PRSS27: variants seen among roughly 807,000 people sequenced by gnomAD.
The protein encoded by PRSS27 is serine protease 27.
Under a neutral mutation model 32.0 loss-of-function variants are expected in PRSS27, and 25 were observed. The observed-to-expected ratio is 0.78, with a 90% CI of 0.57 to 1.09. The LOEUF is 1.09. PRSS27 is among the 50% of genes least tolerant of loss of function. The pLI, the probability that PRSS27 is intolerant of heterozygous loss-of-function variation, is 0.00. For synonymous variants in PRSS27, 178 were observed against 172.2 expected (o/e 1.03, Z -0.26); for missense variants, 401 against 394.9 (o/e 1.02, Z -0.13).
Position 2,714,433 on chromosome 16 carries a change from A to G in PRSS27, c.237-97T>C. On this transcript the variant is annotated intron_variant, in intron 3 of 5. Transcript: ENST00000302641. The surrounding 1 kb of genome is among the most constrained non-coding windows in gnomAD (Gnocchi z 4.7). ...TCCTCTGGCCACCACCGTGCCCCAC[A>G]CCTCTCTCTGCACAATGTCTTCGAG... 1 of 1,338,482 alleles carries G rather than the reference A, an allele frequency of 7.5e-7. No individual in the cohort carries two copies. The highest frequency in any genetic ancestry group is 1.0e-6 in the Non-Finnish European group (1 of 962,808). 82.9% of individuals were successfully genotyped at this position (1,338,482 alleles called of 1,614,324 possible). A position where few individuals can be genotyped will look rare whatever the true frequency, so the allele number is the denominator to read the frequency against.
chr16:2,712,954 G>A lies in PRSS27; in HGVS notation c.679-140C>T, dbSNP rs140728665. Reference sequence around the variant, plus strand: ...CTCTCTGCCCGGCTCCCCATCCCCTGCCAGTCCGATTGTCTAAAGTGCCTA... The same window carrying A: ...CTCTCTGCCCGGCTCCCCATCCCCTACCAGTCCGATTGTCTAAAGTGCCTA... On this transcript the variant is annotated intron_variant, in intron 5 of 5. Coordinates refer to ENST00000302641, the MANE Select transcript of PRSS27 (RefSeq NM_031948.5). The surrounding 1 kb of genome is among the most constrained non-coding windows in gnomAD (Gnocchi z 4.6). 10,909 of 660,982 alleles carry A rather than the reference G, an allele frequency of 0.017. 139 individuals carry two copies. The highest frequency in any genetic ancestry group is 0.022 in the Non-Finnish European group (8,712 of 399,066). The allele number at this position is 660,982 out of a possible 1,614,324, so 40.9% of individuals were successfully genotyped here. A position where few individuals can be genotyped will look rare whatever the true frequency, so the allele number is the denominator to read the frequency against.
Position 2,715,732 on chromosome 16 carries a change from C to T in PRSS27, c.222G>A (p.Ala74=), listed in dbSNP as rs1251026405. The change falls in exon 3 of 6, where the codon GCG becomes GCA. Residue 74 remains alanine, a synonymous_variant. Transcript: ENST00000302641. Reference sequence around the variant, plus strand: ...GGCGGACTCACTTGCGGAAGCAGTGCGCAGCCGTCAGGACCCACTGCTCCG... The same window carrying T: ...GGCGGACTCACTTGCGGAAGCAGTGTGCAGCCGTCAGGACCCACTGCTCCG... ...LIAEQWVLTA[A]HCFRNTSETS... is the part of the protein sequence containing the mutation. 2 of 1,551,894 alleles carry T rather than the reference C, an allele frequency of 1.3e-6. No individual in the cohort carries two copies. The highest frequency in any genetic ancestry group is 1.3e-5 in the African/African-American group (1 of 74,112).
chr16:2,713,621 T>G lies in PRSS27; in HGVS notation c.586A>C (p.Ser196Arg). The change falls in exon 5 of 6, where the codon AGC becomes CGC. Residue 196 changes from serine to arginine, a missense_variant. Ser to Arg is a moderately radical substitution (Grantham distance 110). Coordinates refer to ENST00000302641, the MANE Select transcript of PRSS27 (RefSeq NM_031948.5). ...TGGTAGCCAAACTCGGTGTCTTTGC[T>G]GTAGAGCAGGTTGCACTTGGGTGTG... is the stretch of plus-strand genomic sequence containing the variant. ...IDTPKCNLLYSKDTEFGYQPK... is the reference protein window; with the variant it reads ...IDTPKCNLLYRKDTEFGYQPK... 6.2e-7 allele frequency: 1 copy of G among 1,614,202 alleles called. No individual in the cohort carries two copies.
rs543149634 is a variant in PRSS27, at chr16:2,714,342, G to A, written c.237-6C>T. The A allele has an allele frequency of 3.8e-5, 62 of 1,611,638 alleles. No individual in the cohort carries two copies. The East Asian group carries it at 7.1e-4, about 19-fold the overall frequency. ...ACAGGGACGTCTCAGAGGTGCTGGC[G>A]GGAGAAACAGAGAGGCGGCGTGAGG... is the stretch of plus-strand genomic sequence containing the variant. On this transcript the variant is annotated splice_region_variant and splice_polypyrimidine_tract_variant and intron_variant, in intron 3 of 5. Transcript: ENST00000302641. The surrounding 1 kb of genome is among the most constrained non-coding windows in gnomAD (Gnocchi z 4.7).
Position 2,714,525 on chromosome 16 carries a change from CAG to C in PRSS27, c.237-191_237-190del, listed in dbSNP as rs990224246. The C allele has an allele frequency of 1.5e-6, 1 of 650,212 alleles. No individual in the cohort carries two copies. The highest frequency in any genetic ancestry group is 1.8e-5 in the African/African-American group (1 of 55,078). The allele number at this position is 650,212 out of a possible 1,614,324, so 40.3% of individuals were successfully genotyped here. A position where few individuals can be genotyped will look rare whatever the true frequency, so the allele number is the denominator to read the frequency against. ...GACATTGAAGCCAGACCGCCCGACT[CAG>C]ATTTCCACCTCCACCCCTGGCCGCT... is the stretch of plus-strand genomic sequence containing the variant. On this transcript the variant is annotated intron_variant, in intron 3 of 5. Coordinates refer to ENST00000302641, the MANE Select transcript of PRSS27 (RefSeq NM_031948.5). The surrounding 1 kb of genome is among the most constrained non-coding windows in gnomAD (Gnocchi z 4.7).
Position 2,713,631 on chromosome 16 carries a change from G to T in PRSS27, c.576C>A (p.Asn192Lys). The T allele has an allele frequency of 1.2e-6, 2 of 1,614,216 alleles. No homozygotes were observed. The highest frequency in any genetic ancestry group is 1.7e-6 in the Non-Finnish European group (2 of 1,180,030). The change falls in exon 5 of 6, where the codon AAC becomes AAA. Residue 192 changes from asparagine to lysine, a missense_variant. Physicochemically the swap from Asn to Lys is moderately conservative, Grantham distance 94. Transcript: ENST00000302641. ...AVPIIDTPKC[N>K]LLYSKDTEFG... ...ACTCGGTGTCTTTGCTGTAGAGCAG[G>T]TTGCACTTGGGTGTGTCGATGATGG...
At chr16:2,716,292 G>A (rs971973638) in intron 2 of PRSS27, 11 of 611,910 alleles carry the variant, frequency 1.8e-5, no homozygotes, top group Admixed American at 5.6e-5. Context: ...CCTGCACCGC[G>A]CCTCAAGGCT....
At position 2,720,150 on chromosome 16, in the gene PRSS27, G is replaced by A. The variant is rs774452677; in HGVS notation, c.11C>T (p.Pro4Leu). Reference sequence around the variant, plus strand: ...CAGCAGCAGGAGCGGCACCGCCGCCGGCCGCCTCATGTCCTCAGGCCTGGC... The same window carrying A: ...CAGCAGCAGGAGCGGCACCGCCGCCAGCCGCCTCATGTCCTCAGGCCTGGC... MRR[P>L]AAVPLLLLLC... Residue 4 changes from proline to leucine, a missense_variant, in exon 1 of 6, where the codon CCG (proline) becomes CTG (leucine). Physicochemically the swap from Pro to Leu is moderately conservative, Grantham distance 98. Coordinates refer to ENST00000302641, the MANE Select transcript of PRSS27 (RefSeq NM_031948.5). The A allele has an allele frequency of 9.4e-6, 15 of 1,600,646 alleles. No homozygotes were observed. In the South Asian group the frequency reaches 1.5e-4, roughly 16 times the overall value.
Position 2,712,961 on chromosome 16 carries a change from C to A in PRSS27, c.679-147G>T. ...CCCGGCTCCCCATCCCCTGCCAGTC[C>A]GATTGTCTAAAGTGCCTATTCTTTA... On this transcript the variant is annotated intron_variant, in intron 5 of 5. Coordinates refer to ENST00000302641, the MANE Select transcript of PRSS27 (RefSeq NM_031948.5). This position sits in a 1 kb window ranked among gnomAD's most constrained non-coding sequence, Gnocchi z 4.6. 1 of 637,236 alleles carries A rather than the reference C, an allele frequency of 1.6e-6. No homozygotes were observed. 39.5% of individuals were successfully genotyped at this position (637,236 alleles called of 1,614,324 possible).
chr16:2,713,805 C>A, intron 4 of PRSS27, 107 bp from the exon 5 acceptor site: 2 of 1,314,200 alleles, frequency 1.5e-6, no homozygotes, highest in South Asian at 1.3e-5. Flanking sequence ...ATGTTTAGAC[C>A]ATCTCTGGCT....
intron 1 of PRSS27, 180 bp from the exon 2 acceptor site, chr16:2,716,706 C>T (rs1490083342): frequency 1.1e-5 from 7 of 639,842 alleles, no homozygotes; most frequent in East Asian, 2.7e-5. Flanking sequence ...CTGGCTCTGC[C>T]GTATGCTCAG....
rs2067679484 is a variant in PRSS27, at chr16:2,713,568, C to T, written c.639G>A (p.Leu213=). The part of the protein sequence containing the change: ...YQPKTIKNDM[L]CAGFEEGKKD... ...TCTTGCCCTCCTCGAAGCCGGCGCA[C>T]AGCATGTCATTCTTGATGGTTTTGG... Residue 213 remains leucine, a synonymous_variant, in exon 5 of 6, where the codon CTG becomes CTA. Transcript: ENST00000302641. 6.2e-7 allele frequency: 1 copy of T among 1,614,246 alleles called. No individual in the cohort carries two copies. The highest frequency in any genetic ancestry group is 8.5e-7 in the Non-Finnish European group (1 of 1,180,042).
In PRSS27 at chr16:2,714,737, C is replaced by T. The variant is rs974816611; in HGVS notation, c.237-401G>A. ...CCTGCCCTCTCTCAGCCCGAGTTTC[C>T]GATTTTTTTTTTCCCCTAGAGACAG... On this transcript the variant is annotated intron_variant, in intron 3 of 5. Coordinates refer to ENST00000302641, the MANE Select transcript of PRSS27 (RefSeq NM_031948.5). The surrounding 1 kb of genome is among the most constrained non-coding windows in gnomAD (Gnocchi z 4.7). 5 of 244,888 alleles carry T rather than the reference C, an allele frequency of 2.0e-5. No homozygotes were observed. The highest frequency in any genetic ancestry group is 1.1e-4 in the Admixed American group (2 of 18,844). 15.2% of individuals were successfully genotyped at this position (244,888 alleles called of 1,614,324 possible).
Position 2,713,638 on chromosome 16 carries a change from T to C in PRSS27, c.569A>G (p.Lys190Arg). The change falls in exon 5 of 6, where the codon AAG (lysine) becomes AGG (arginine). Residue 190 changes from lysine to arginine, a missense_variant. Lys to Arg is a conservative substitution (Grantham distance 26, BLOSUM62 2). Coordinates refer to ENST00000302641, the MANE Select transcript of PRSS27 (RefSeq NM_031948.5). ...KLAVPIIDTP[K>R]CNLLYSKDTE... ...GTCTTTGCTGTAGAGCAGGTTGCAC[T>C]TGGGTGTGTCGATGATGGGCACAGC... is the stretch of plus-strand genomic sequence containing the variant. 6.2e-7 allele frequency: 1 copy of C among 1,614,244 alleles called. No homozygotes were observed. The highest frequency in any genetic ancestry group is 8.5e-7 in the Non-Finnish European group (1 of 1,180,040).
rs913856343 is a variant in PRSS27 at position 2,712,497 on chromosome 16, A to G, written c.*123T>C. ...ATTTGAGAGGGGAGGAAGGAGCGCT[A>G]TTTACAAATGAGTCTGGTGGGGCTC... is the stretch of plus-strand genomic sequence containing the variant. On this transcript the variant is annotated 3_prime_UTR_variant, in exon 6 of 6. Coordinates refer to ENST00000302641, the MANE Select transcript of PRSS27 (RefSeq NM_031948.5). The surrounding 1 kb of genome is among the most constrained non-coding windows in gnomAD (Gnocchi z 4.6). The G allele has an allele frequency of 5.3e-6, 4 of 761,394 alleles. No homozygotes were observed. In the African/African-American group the frequency reaches 5.4e-5, roughly 10 times the overall value. The allele number at this position is 761,394 out of a possible 1,614,324, so 47.2% of individuals were successfully genotyped here.
chr16:2,714,422 C>T lies in PRSS27; in HGVS notation c.237-86G>A, dbSNP rs886735836. 1 of 1,433,952 alleles carries T rather than the reference C, an allele frequency of 7.0e-7. No individual in the cohort carries two copies. The allele number at this position is 1,433,952 out of a possible 1,614,324, so 88.8% of individuals were successfully genotyped here. On this transcript the variant is annotated intron_variant, in intron 3 of 5. Transcript: ENST00000302641. The surrounding 1 kb of genome is among the most constrained non-coding windows in gnomAD (Gnocchi z 4.7). ...GGGGCTGGGGCTCCTCTGGCCACCA[C>T]CGTGCCCCACACCTCTCTCTGCACA...
At position 2,715,704 on chromosome 16, in the gene PRSS27, G is replaced by A. The variant is rs951072369; in HGVS notation, c.236+14C>T. 2 of 1,515,828 alleles carry A rather than the reference G, an allele frequency of 1.3e-6. No homozygotes were observed. The highest frequency in any genetic ancestry group is 2.3e-4 in the Middle Eastern group (1 of 4,286). 93.9% of individuals were successfully genotyped at this position (1,515,828 alleles called of 1,614,324 possible). On this transcript the variant is annotated intron_variant, in intron 3 of 5. Coordinates refer to ENST00000302641, the MANE Select transcript of PRSS27 (RefSeq NM_031948.5). ...GTCAGCGCTATGGGCGGGGGCAGGG[G>A]CGGGCGGACTCACTTGCGGAAGCAG...
intron 3 of PRSS27, chr16:2,715,391 T>G: frequency 7.0e-5 from 18 of 256,956 alleles, no homozygotes; most frequent in East Asian, 3.5e-4. Flanking sequence ...GTGTGCGGGA[T>G]GGGGAAAGGC....
chr16:2,718,303 A>G (rs1427853950), intron 1 of PRSS27: 5 of 146,050 alleles, frequency 3.4e-5, no homozygotes, highest in African/African-American at 7.6e-5. Flanking sequence ...CCCAGTCTCC[A>G]TAAGTCCTAG....
Sources: gnomAD v4.1 joint callset for allele counts on GRCh38, gnomAD v4.1.1 for gene constraint, Gnocchi (gnomAD v3.1) non-coding constraint, MANE v1.5 for transcripts, NCBI Gene and HGNC (gene_info 2026-07-23, HGNC 2026-07-21) for gene names.